Variants in ZNF804A observed in about 807,000 individuals in gnomAD.
ZNF804A encodes zinc finger protein 804A.
Under a neutral mutation model 16.5 loss-of-function variants are expected in ZNF804A, and 2 were observed. The ratio of observed to expected loss-of-function variants is 0.12; its 90% CI spans 0.05 to 0.38. The LOEUF (loss-of-function observed/expected upper bound fraction) is 0.38, where lower values mean the gene tolerates loss of function less well. ZNF804A is among the 10% of genes least tolerant of loss of function. The pLI is 0.99. For synonymous variants in ZNF804A, 534 were observed against 489.6 expected (o/e 1.09, Z -1.20); for missense variants, 1,473 against 1,390.7 (o/e 1.06, Z -0.94).
chr2:184,610,880 T>C (rs1691226013), intron 1 of ZNF804A, among the ~76,000 whole-genome samples: 1 of 152,246 alleles, frequency 6.6e-6, no homozygotes, highest in Non-Finnish European at 1.5e-5. Flanking sequence ...ATAAAAGATA[T>C]GATAATAAAA....
chr2:184,636,022 A>G (rs1007406840), intron 1 of ZNF804A, among the ~76,000 whole-genome samples: 1 of 152,194 alleles, frequency 6.6e-6, no homozygotes, highest in Non-Finnish European at 1.5e-5. Flanking sequence ...GTCCATTTTT[A>G]TAATTCTAAC....
chr2:184,642,054 G>A (rs1024191673), intron 1 of ZNF804A, among the ~76,000 whole-genome samples: 6 of 151,938 alleles, frequency 3.9e-5, no homozygotes, highest in African/African-American at 7.2e-5. Flanking sequence ...ATTTATGCAC[G>A]TGACCATGCA....
At chr2:184,793,244 T>G (rs1366698970) in intron 1 of ZNF804A, among the ~76,000 whole-genome samples, 3 of 152,116 alleles carry the variant, frequency 2.0e-5, no homozygotes, top group African/African-American at 7.2e-5. Flanking sequence ...TATGAGTACA[T>G]GTGTCCTTTT....
intron 1 of ZNF804A, among the ~76,000 whole-genome samples, chr2:184,849,635 A>G (rs1695572461): frequency 6.6e-6 from 1 of 152,026 alleles, no homozygotes; most frequent in African/African-American, 2.4e-5. Context: ...TACCATAGGT[A>G]GGAATGTAAA....
intron 1 of ZNF804A, among the ~76,000 whole-genome samples, chr2:184,669,487 A>G (rs551718890): frequency 6.6e-6 from 1 of 152,238 alleles, no homozygotes; most frequent in South Asian, 2.1e-4. Flanking sequence ...AAGTTAAAAC[A>G]TGAAAGGCAA....
chr2:184,852,547 C>T (rs1277997917), intron 1 of ZNF804A, among the ~76,000 whole-genome samples: 1 of 150,160 alleles, frequency 6.7e-6, no homozygotes, highest in Non-Finnish European at 1.5e-5. Context: ...AGATCTCCCA[C>T]CGGCTTTTTT....
At chr2:184,737,576 A>G (rs2105751049) in intron 1 of ZNF804A, among the ~76,000 whole-genome samples, 1 of 152,284 alleles carries the variant, frequency 6.6e-6, no homozygotes, top group East Asian at 1.9e-4. Context: ...AAAAATAAAC[A>G]TGACTTGCTG....
At chr2:184,833,490 A>G (rs1262167686) in intron 1 of ZNF804A, among the ~76,000 whole-genome samples, 1 of 152,108 alleles carries the variant, frequency 6.6e-6, no homozygotes, top group African/African-American at 2.4e-5. Flanking sequence ...AGAATATGCA[A>G]TTTAATATGT....
intron 1 of ZNF804A, among the ~76,000 whole-genome samples, chr2:184,811,339 T>C (rs1482187399): frequency 2.6e-5 from 4 of 152,192 alleles, no homozygotes; most frequent in African/African-American, 4.8e-5. Context: ...GTTTCATAGA[T>C]AAAACCACCT....
chr2:184,925,194 C>T (rs1330588187), intron 2 of ZNF804A, among the ~76,000 whole-genome samples: 2 of 151,818 alleles, frequency 1.3e-5, no homozygotes, highest in Admixed American at 1.3e-4. Context: ...CTAATGTTTG[C>T]TTTATAAATC....
chr2:184,719,570 A>G (rs1266616369), intron 1 of ZNF804A, among the ~76,000 whole-genome samples: 4 of 152,194 alleles, frequency 2.6e-5, no homozygotes, highest in Admixed American at 2.6e-4. Context: ...TTTGCTGCTT[A>G]GAAATTTCTT....
At position 184,938,281 on chromosome 2, in the gene ZNF804A, G is replaced by A; in HGVS notation, c.2885G>A (p.Arg962Lys). ...FQVPNIERNF[R>K]QSQPKSYLCH... is the part of the protein sequence containing the mutation. ...GTGCCTAATATTGAAAGGAACTTTA[G>A]ACAGTCACAGCCTAAATCCTATCTT... Residue 962 changes from arginine (R) to lysine (K), a missense_variant, in exon 4 of 4, where the codon AGA (arginine) becomes AAA (lysine). Transcript: ENST00000302277. The A allele has an allele frequency of 6.2e-7, 1 of 1,614,088 alleles. No individual in the cohort carries two copies.
At chr2:184,613,992 A>G (rs558576558) in intron 1 of ZNF804A, among the ~76,000 whole-genome samples, 18 of 152,208 alleles carry the variant, frequency 1.2e-4, no homozygotes, top group Non-Finnish European at 2.2e-4. Context: ...TCCTAAGTAA[A>G]AAGAACAAAG....
At chr2:184,774,281 A>T (rs1259327476) in intron 1 of ZNF804A, among the ~76,000 whole-genome samples, 1 of 151,902 alleles carries the variant, frequency 6.6e-6, no homozygotes, top group Non-Finnish European at 1.5e-5. Flanking sequence ...CTATATAATG[A>T]GGTGGCGACT....
At chr2:184,697,570 C>T (rs1692852688) in intron 1 of ZNF804A, among the ~76,000 whole-genome samples, 1 of 151,984 alleles carries the variant, frequency 6.6e-6, no homozygotes, top group African/African-American at 2.4e-5. Flanking sequence ...AGATTACTTT[C>T]ATGATTAGGC....
intron 1 of ZNF804A, among the ~76,000 whole-genome samples, chr2:184,842,418 A>C (rs1265160791): frequency 1.3e-5 from 2 of 152,126 alleles, no homozygotes; most frequent in African/African-American, 4.8e-5. Flanking sequence ...TTTTTGAGAA[A>C]ATATTTTCTA....
intron 1 of ZNF804A, among the ~76,000 whole-genome samples, chr2:184,860,609 G>T (rs75381560): frequency 0.04 from 6,148 of 152,246 alleles, 400 homozygotes; most frequent in African/African-American, 0.14. Context: ...CCCAGAAAGA[G>T]TCCGCAAGGA....
At chr2:184,803,070 TA>T (rs1429061330) in intron 1 of ZNF804A, among the ~76,000 whole-genome samples, 2 of 152,204 alleles carry the variant, frequency 1.3e-5, no homozygotes, top group East Asian at 3.8e-4. Context: ...AACTAAGCCC[TA>T]AATAAATATT....
intron 1 of ZNF804A, among the ~76,000 whole-genome samples, chr2:184,774,136 T>G (rs1193088589): frequency 6.6e-6 from 1 of 151,956 alleles, no homozygotes; most frequent in African/African-American, 2.4e-5. Context: ...AAAGGAATCC[T>G]ACTATTTGAT....
Sources: allele counts gnomAD v4.1 joint callset (sites outside exome capture counted in the v4.1 genomes callset), GRCh38; gene constraint gnomAD v4.1.1; transcripts MANE v1.5; gene names NCBI Gene and HGNC (gene_info 2026-07-23, HGNC 2026-07-21).